Variants in SLC35F3 observed in about 807,000 individuals in gnomAD.
SLC35F3 encodes putative thiamine transporter SLC35F3.
Under a neutral mutation model 49.9 loss-of-function variants are expected in SLC35F3, and 25 were observed. The ratio of observed to expected loss-of-function variants is 0.50; its 90% confidence interval spans 0.37 to 0.70. The LOEUF (loss-of-function observed/expected upper bound fraction) is 0.70, where lower values mean the gene tolerates loss of function less well. Among genes scored for constraint, SLC35F3 ranks in the 30% least tolerant of loss-of-function variants. SLC35F3 has a pLI of 0.00. For missense variants in SLC35F3, 525 were observed against 639.8 expected, an observed-to-expected ratio of 0.82 and a Z score of 1.94; for synonymous variants, 275 against 265.4, an observed-to-expected ratio of 1.04 and a Z score of -0.35.
At chr1:234,250,804 A>G (rs1414537148) in intron 3 of SLC35F3, among the ~76,000 whole-genome samples, 1 of 152,150 alleles carries the variant, frequency 6.6e-6, no homozygotes, top group African/African-American at 2.4e-5. Context: ...AAGAAGCAAA[A>G]AGAGAGAGGA....
chr1:234,249,318 T>C (rs551631555), intron 3 of SLC35F3, among the ~76,000 whole-genome samples: 1 of 152,304 alleles, frequency 6.6e-6, no homozygotes, highest in East Asian at 1.9e-4. Flanking sequence ...TTTTCCTCTA[T>C]CCCATACGGA....
chr1:234,178,763 C>A lies in SLC35F3; in HGVS notation c.284-52654C>A, dbSNP rs548207577. On this transcript the variant is annotated intron_variant, in intron 2 of 7. Coordinates refer to ENST00000366618, the MANE Select transcript of SLC35F3 (RefSeq NM_173508.4). ...TGCTGCGTTTGCTACCATTCATGAA[C>A]CCATACTGACACATCATCACCACCC... 3.9e-5 allele frequency among the ~76,000 whole-genome samples: 6 copies of A among 152,110 alleles called. No homozygotes were observed. In the East Asian group the frequency reaches 1.2e-3, roughly 29 times the overall value.
chr1:234,194,725 G>A (rs1666781818), intron 2 of SLC35F3, among the ~76,000 whole-genome samples: 1 of 152,084 alleles, frequency 6.6e-6, no homozygotes, highest in Non-Finnish European at 1.5e-5. Context: ...GACCCTCTAG[G>A]CATCTCCAGA....
At position 234,199,055 on chromosome 1, in the gene SLC35F3, CAA is replaced by C. The variant is rs58267652; in HGVS notation, c.284-32347_284-32346del. 1.9e-3 allele frequency among the ~76,000 whole-genome samples: 256 copies of C among 137,722 alleles called. 1 individual carries two copies. The highest frequency in any genetic ancestry group is 5.3e-3 in the East Asian group (24 of 4,552). 90.4% of individuals were successfully genotyped at this position (137,722 alleles called of 152,430 possible). A position where few individuals can be genotyped will look rare whatever the true frequency, so the allele number is the denominator to read the frequency against. ...GCAACATAGTGAGTCCTTATTTCTA[CAA>C]AAAAAAAAAAAAAATTAAAAACTGG... On this transcript the variant is annotated intron_variant, in intron 2 of 7. Transcript: ENST00000366618.
intron 3 of SLC35F3, among the ~76,000 whole-genome samples, chr1:234,267,892 C>T (rs1359550933): frequency 9.9e-6 from 1 of 101,186 alleles, no homozygotes; most frequent in East Asian, 2.5e-4. Flanking sequence ...ACATCTCAGA[C>T]GATGGGCTGC....
In SLC35F3 at chr1:233,930,712, G is replaced by A. The variant is rs547935409; in HGVS notation, c.283+24954G>A. 2.6e-5 allele frequency among the ~76,000 whole-genome samples: 4 copies of A among 152,132 alleles called. No individual in the cohort carries two copies. The South Asian group carries it at 6.2e-4, about 24-fold the overall frequency. ...AATTAACACATATTTCATATGTCATGTTCATTATAGCTTATTGTATACTAT... is the reference window on the plus strand; with the variant it reads ...AATTAACACATATTTCATATGTCATATTCATTATAGCTTATTGTATACTAT... On this transcript the variant is annotated intron_variant, in intron 2 of 7. Transcript: ENST00000366618.
At chr1:234,247,296 TTGTTG>T (rs2102960102) in intron 3 of SLC35F3, among the ~76,000 whole-genome samples, 1 of 152,386 alleles carries the variant, frequency 6.6e-6, no homozygotes, top group East Asian at 1.9e-4. Context: ...TGTCATTTGA[TTGTTG>T]GGTTGGTCAG....
intron 3 of SLC35F3, among the ~76,000 whole-genome samples, chr1:234,267,573 A>C: frequency 6.9e-6 from 1 of 143,986 alleles, no homozygotes; most frequent in Admixed American, 6.8e-5. Context: ...ACTTCCCAGT[A>C]GGGGCGGCCG....
intron 3 of SLC35F3, among the ~76,000 whole-genome samples, chr1:234,304,432 A>G (rs968436271): frequency 2.3e-5 from 3 of 130,534 alleles, no homozygotes; most frequent in East Asian, 2.2e-4. Flanking sequence ...CAAAATGTCT[A>G]TTAATTTCTA....
chr1:233,912,199 G>A (rs573678187), intron 2 of SLC35F3, among the ~76,000 whole-genome samples: 13 of 152,224 alleles, frequency 8.5e-5, no homozygotes, highest in South Asian at 6.2e-4. Context: ...CTCTAGTTTC[G>A]CCGTGCGCGG....
chr1:234,011,815 G>A (rs1036705838), intron 2 of SLC35F3, among the ~76,000 whole-genome samples: 14 of 152,134 alleles, frequency 9.2e-5, no homozygotes, highest in Non-Finnish European at 2.1e-4. Context: ...AGCACTGAAG[G>A]GGTGGCCTGC....
intron 3 of SLC35F3, among the ~76,000 whole-genome samples, chr1:234,294,904 G>A (rs12043400): frequency 0.4 from 61,246 of 152,000 alleles, 12,781 homozygotes; most frequent in East Asian, 0.74. Flanking sequence ...AGGGTGCCTG[G>A]GGGGGGAACC....
At chr1:234,208,844 C>T (rs1054146342) in intron 2 of SLC35F3, among the ~76,000 whole-genome samples, 3 of 152,158 alleles carry the variant, frequency 2.0e-5, no homozygotes, top group African/African-American at 7.2e-5. Context: ...ATCCAATTCC[C>T]AGCCATATCA....
chr1:233,971,990 G>A (rs947380909), intron 2 of SLC35F3, among the ~76,000 whole-genome samples: 1 of 152,236 alleles, frequency 6.6e-6, no homozygotes, highest in Admixed American at 6.5e-5. Context: ...CCAGTGCCGT[G>A]TGTGTGTCAG....
At position 234,027,353 on chromosome 1, in the gene SLC35F3, C is replaced by G. The variant is rs1354616207; in HGVS notation, c.283+121595C>G. The G allele has an allele frequency of 6.6e-6, 1 of 152,290 alleles. No individual in the cohort carries two copies. Among genetic ancestry groups the G allele is most frequent in the South Asian group, 2.1e-4 (1 of 4,830 alleles). 9.4% of individuals were successfully genotyped at this position (152,290 alleles called of 1,614,324 possible). On this transcript the variant is annotated intron_variant, in intron 2 of 7. Transcript: ENST00000366618. This position sits in a 1 kb window ranked among gnomAD's most constrained non-coding sequence, Gnocchi z 4.1. ...AGTGTGGGGCACCAGGGCCGCTGTC[C>G]GTGCCACCTCACCATCCACAGACTG...
At chr1:234,316,884 C>A (rs748927608) in intron 5 of SLC35F3, among the ~76,000 whole-genome samples, 157 bp downstream of exon 5, 1 of 152,226 alleles carries the variant, frequency 6.6e-6, no homozygotes, top group Non-Finnish European at 1.5e-5. Flanking sequence ...GTGCAACAGG[C>A]AGACAGAGAC....
chr1:234,053,415 T>C (rs928291575), intron 2 of SLC35F3, among the ~76,000 whole-genome samples: 4 of 152,234 alleles, frequency 2.6e-5, no homozygotes, highest in Non-Finnish European at 5.9e-5. Context: ...CTTTTGAGCT[T>C]TGTTGGTTTA....
chr1:233,939,239 G>T (rs1374267239), intron 2 of SLC35F3, among the ~76,000 whole-genome samples: 2 of 152,122 alleles, frequency 1.3e-5, no homozygotes, highest in Non-Finnish European at 2.9e-5. Context: ...ATCTCTTGAG[G>T]CCAAGAGTTC....
At chr1:234,146,294 G>A (rs6659283) in intron 2 of SLC35F3, among the ~76,000 whole-genome samples, 10,392 of 151,758 alleles carry the variant, frequency 0.068, 588 homozygotes, top group African/African-American at 0.14. Flanking sequence ...ATCAATATCT[G>A]TCTCTCTCAC....
Sources: gnomAD v4.1 joint callset for allele counts (sites outside exome capture counted in the v4.1 genomes callset) on GRCh38, gnomAD v4.1.1 for gene constraint, Gnocchi (gnomAD v3.1) non-coding constraint, MANE v1.5 for transcripts, NCBI Gene and HGNC (gene_info 2026-07-23, HGNC 2026-07-21) for gene names.